Variants in FGF14 observed in about 807,000 individuals in gnomAD.
FGF14 encodes fibroblast growth factor 14.
In FGF14, 5 loss-of-function variants were observed where a neutral mutation model predicts 25.5. That is an observed-to-expected ratio of 0.20 (90% confidence interval 0.10 to 0.41). FGF14 has a LOEUF of 0.41. Ranked by LOEUF, FGF14 falls within the 10% of genes least tolerant of loss-of-function variation. The probability of loss-of-function intolerance (pLI) is 1.00; values close to 1 mark genes in which losing one functional copy is unlikely to be tolerated. For synonymous variants in FGF14, 138 were observed against 118.3 expected, an observed-to-expected ratio of 1.17 and a Z score of -1.08; for missense variants, 222 against 320.1, an observed-to-expected ratio of 0.69 and a Z score of 2.34.
intron 1 of FGF14, among the ~76,000 whole-genome samples, chr13:101,946,463 A>T (rs1317521643): frequency 6.6e-6 from 1 of 152,180 alleles, no homozygotes; most frequent in Non-Finnish European, 1.5e-5. Flanking sequence ...TGTCTTAAAC[A>T]ATAAGAAAAT....
At chr13:102,031,423 C>T (rs1181511040) in intron 1 of FGF14, among the ~76,000 whole-genome samples, 1 of 152,058 alleles carries the variant, frequency 6.6e-6, no homozygotes, top group Non-Finnish European at 1.5e-5. Context: ...CACATTCGTA[C>T]AGCTAGTGCT....
At chr13:101,728,662 G>C (rs1594050307) in intron 3 of FGF14, among the ~76,000 whole-genome samples, 1 of 149,322 alleles carries the variant, frequency 6.7e-6, no homozygotes, top group East Asian at 2.0e-4. Context: ...TCTTTTTACT[G>C]AGACAGGGCA....
rs57561616 is a variant in FGF14, at chr13:102,342,181, C to T, written c.208+59290G>A. On this transcript the variant is annotated intron_variant, in intron 1 of 4. Transcript: ENST00000376131. ...ATCTCTCCATTCATTGAGGACTTATCGTTCCTGGGGCACTTTTCTGCAGGG... is the reference window on the plus strand; with the variant it reads ...ATCTCTCCATTCATTGAGGACTTATTGTTCCTGGGGCACTTTTCTGCAGGG... Among the ~76,000 whole-genome samples the T allele has an allele frequency of 4.2e-3, 641 of 152,244 alleles. 3 individuals are homozygous for T. Among genetic ancestry groups the T allele is most frequent in the African/African-American group, 0.015 (603 of 41,540 alleles).
chr13:101,949,173 G>A (rs887553033), intron 1 of FGF14, among the ~76,000 whole-genome samples: 7 of 152,218 alleles, frequency 4.6e-5, no homozygotes, highest in Admixed American at 3.9e-4. Flanking sequence ...TTCTCTCTAT[G>A]AAATGGTCAA....
intron 1 of FGF14, among the ~76,000 whole-genome samples, chr13:102,335,705 C>T (rs528339530): frequency 2.0e-4 from 31 of 152,164 alleles, no homozygotes; most frequent in Non-Finnish European, 4.3e-4. Context: ...TTCACGGATG[C>T]TGTGCTTTGT....
chr13:102,279,602 G>A (rs901624830), intron 1 of FGF14, among the ~76,000 whole-genome samples: 1 of 151,970 alleles, frequency 6.6e-6, no homozygotes, highest in East Asian at 1.9e-4. Context: ...GCCAGGCACC[G>A]TTCTAAGCAC....
At chr13:102,315,495 A>C (rs978095526) in intron 1 of FGF14, among the ~76,000 whole-genome samples, 11 of 152,214 alleles carry the variant, frequency 7.2e-5, no homozygotes, top group Non-Finnish European at 1.6e-4. Flanking sequence ...AGCCAGCATT[A>C]TGAACCATTT....
intron 1 of FGF14, among the ~76,000 whole-genome samples, chr13:102,116,171 A>T (rs895315885): frequency 1.3e-5 from 2 of 152,190 alleles, no homozygotes; most frequent in Non-Finnish European, 2.9e-5. Flanking sequence ...TATCACTAGG[A>T]TGGCTATTAT....
At chr13:101,724,481 T>C (rs1280572137) in intron 4 of FGF14, among the ~76,000 whole-genome samples, 1 of 151,380 alleles carries the variant, frequency 6.6e-6, no homozygotes, top group Non-Finnish European at 1.5e-5. Flanking sequence ...TTAGGAGATA[T>C]ACCTAATGTA....
Position 102,345,989 on chromosome 13 carries a change from A to G in FGF14, c.208+55482T>C, listed in dbSNP as rs572380790. Among the ~76,000 whole-genome samples the G allele has an allele frequency of 7.9e-4, 120 of 152,314 alleles. 1 individual carries two copies. The highest frequency in any genetic ancestry group is 2.7e-3 in the African/African-American group (112 of 41,568). On this transcript the variant is annotated intron_variant, in intron 1 of 4. Coordinates refer to the FGF14 transcript ENST00000376131. ...GTTACTATAATGGTAACAATGATGG[A>G]ATATATAGTTCTCTACTACATTTAA... is the stretch of plus-strand genomic sequence containing the variant.
intron 1 of FGF14, among the ~76,000 whole-genome samples, chr13:102,362,065 G>T (rs2057582054): frequency 6.6e-6 from 1 of 151,968 alleles, no homozygotes; most frequent in African/African-American, 2.4e-5. Flanking sequence ...TCTTCCTGGG[G>T]CCACTGCTGC....
intron 3 of FGF14, among the ~76,000 whole-genome samples, chr13:101,816,061 G>A (rs554026132): frequency 2.8e-4 from 42 of 151,836 alleles, no homozygotes; most frequent in Non-Finnish European, 5.4e-4. Flanking sequence ...ACGAGGTCAG[G>A]AGATCGAGAC....
rs2139292528 is a variant in FGF14, at chr13:102,400,565, A to G, written c.208+906T>C. Among the ~76,000 whole-genome samples, 1 of 152,272 alleles carries G rather than the reference A, an allele frequency of 6.6e-6. No homozygotes were observed. The highest frequency in any genetic ancestry group is 6.5e-5 in the Admixed American group (1 of 15,304). On this transcript the variant is annotated intron_variant, in intron 1 of 4. Transcript: ENST00000376131. This position sits in a 1 kb window ranked among gnomAD's most constrained non-coding sequence, Gnocchi z 4.3. Reference sequence around the variant, plus strand: ...GGCCGCCCCCAATCGCCTCGGACTGAGACGCGGGGACGGGAACCCCTGGGA... The same window carrying G: ...GGCCGCCCCCAATCGCCTCGGACTGGGACGCGGGGACGGGAACCCCTGGGA...
At chr13:102,034,840 G>T (rs1254961548) in intron 1 of FGF14, among the ~76,000 whole-genome samples, 2 of 151,976 alleles carry the variant, frequency 1.3e-5, no homozygotes, top group East Asian at 3.9e-4. Flanking sequence ...TAAATGTATG[G>T]CCCCAGACTC....
At chr13:102,077,603 T>C (rs1467342249) in intron 1 of FGF14, among the ~76,000 whole-genome samples, 1 of 152,162 alleles carries the variant, frequency 6.6e-6, no homozygotes, top group Non-Finnish European at 1.5e-5. Flanking sequence ...ACCACACACC[T>C]GTTATTTTGG....
At chr13:102,370,778 T>A (rs2057857295) in intron 1 of FGF14, among the ~76,000 whole-genome samples, 1 of 152,154 alleles carries the variant, frequency 6.6e-6, no homozygotes, top group Non-Finnish European at 1.5e-5. Flanking sequence ...TCTTAAACAT[T>A]TTGTGTTTCT....
intron 3 of FGF14, among the ~76,000 whole-genome samples, chr13:101,834,374 T>A (rs2042819825): frequency 1.3e-5 from 2 of 152,026 alleles, no homozygotes; most frequent in South Asian, 4.1e-4. Flanking sequence ...AATCAAACCA[T>A]CAGCAAAGGG....
At chr13:101,784,286 T>C (rs1456045476) in intron 3 of FGF14, among the ~76,000 whole-genome samples, 1 of 152,230 alleles carries the variant, frequency 6.6e-6, no homozygotes, top group Non-Finnish European at 1.5e-5. Flanking sequence ...ACTTCTATTA[T>C]TCTTTAATAT....
intron 3 of FGF14, among the ~76,000 whole-genome samples, chr13:101,807,062 G>A (rs554895122): frequency 3.3e-4 from 50 of 152,226 alleles, no homozygotes; most frequent in African/African-American, 1.1e-3. Context: ...AAAAAGAAAA[G>A]GGGCAGGGAT....
Sources: gnomAD v4.1 joint callset for allele counts (sites outside exome capture counted in the v4.1 genomes callset) on GRCh38, gnomAD v4.1.1 for gene constraint, Gnocchi (gnomAD v3.1) non-coding constraint, MANE v1.5 for transcripts, NCBI Gene and HGNC (gene_info 2026-07-23, HGNC 2026-07-21) for gene names.